STX5: variants seen among roughly 807,000 people sequenced by gnomAD.
STX5 encodes syntaxin-5.
Under a neutral mutation model 42.9 loss-of-function variants are expected in STX5, and 15 were observed. That is an observed-to-expected ratio of 0.35 (90% confidence interval 0.23 to 0.54). The LOEUF (loss-of-function observed/expected upper bound fraction) is 0.54, where lower values mean the gene tolerates loss of function less well. Among genes scored for constraint, STX5 ranks in the 20% least tolerant of loss-of-function variants. The probability of loss-of-function intolerance (pLI) is 0.91; values close to 1 mark genes in which losing one functional copy is unlikely to be tolerated. For missense variants in STX5, 430 were observed against 455.0 expected (o/e 0.95, Z 0.50); for synonymous variants, 184 against 173.2 (o/e 1.06, Z -0.49).
intron 10 of STX5, among the ~76,000 whole-genome samples, chr11:62,819,357 CAA>C (rs150908864): frequency 7.7e-6 from 1 of 129,588 alleles, no homozygotes. Flanking sequence ...ATCTCCACTA[CAA>C]AAAAAAAACC....
intron 10 of STX5, among the ~76,000 whole-genome samples, chr11:62,817,178 T>A (rs372372815): frequency 6.6e-6 from 1 of 152,208 alleles, no homozygotes; most frequent in Admixed American, 6.5e-5. Context: ...TCCACCTGCC[T>A]CAGCCTCCCA....
rs867284106 is a variant in STX5, at chr11:62,831,222, C to T, written c.22G>A (p.Gly8Arg). Residue 8 changes from glycine to arginine, a missense_variant, in exon 2 of 11, where the codon GGG (glycine) becomes AGG (arginine). By Grantham distance (125) the Gly-to-Arg change is moderately radical (BLOSUM62 -2). Coordinates refer to ENST00000294179, the MANE Select transcript of STX5 (RefSeq NM_003164.5). ...ACACCCTGATCCGTGTTCTTAGACCCGTAGCGTTTCCGCGGGATCATTGAG... is the reference window on the plus strand; with the variant it reads ...ACACCCTGATCCGTGTTCTTAGACCTGTAGCGTTTCCGCGGGATCATTGAG... MIPRKRYGSKNTDQGVYL... is the reference protein window; with the variant it reads MIPRKRYRSKNTDQGVYL... 5.1e-6 allele frequency: 8 copies of T among 1,563,222 alleles called. No individual in the cohort carries two copies. The South Asian group carries it at 8.2e-5, about 16-fold the overall frequency.
In STX5 at chr11:62,831,278, G is replaced by C; in HGVS notation, c.-19-16C>G. On this transcript the variant is annotated splice_polypyrimidine_tract_variant and intron_variant, in intron 1 of 10. Coordinates refer to ENST00000294179, the MANE Select transcript of STX5 (RefSeq NM_003164.5). ...TAACCTCGGACTGTTGTGGAGGGGA[G>C]AGTGTCATTCCCCAGGCAACTTCTT... The C allele has an allele frequency of 6.6e-7, 1 of 1,510,296 alleles. No homozygotes were observed. Among genetic ancestry groups the C allele is most frequent in the African/African-American group, 1.4e-5 (1 of 72,490 alleles). The allele number at this position is 1,510,296 out of a possible 1,614,324, so 93.6% of individuals were successfully genotyped here.
At position 62,827,392 on chromosome 11, in the gene STX5, A is replaced by G; in HGVS notation, c.303T>C (p.Ile101=). 4 of 1,614,188 alleles carry G rather than the reference A, an allele frequency of 2.5e-6. No homozygotes were observed. The highest frequency in any genetic ancestry group is 1.7e-6 in the Non-Finnish European group (2 of 1,180,028). Residue 101 remains isoleucine (I), a synonymous_variant, in exon 4 of 11, where the codon ATT becomes ATC. Coordinates refer to ENST00000294179, the MANE Select transcript of STX5 (RefSeq NM_003164.5). ...CAAATGTGTTGCTAAGGTCTTTCCC[A>G]ATGCGCCTGCAAATGACCACTAGTC... ...RSEFTLMAKR[I]GKDLSNTFAK... is the part of the protein sequence containing the mutation.
At chr11:62,811,248 C>G (rs563841177) in intron 10 of STX5, among the ~76,000 whole-genome samples, 1 of 152,280 alleles carries the variant, frequency 6.6e-6, no homozygotes, top group East Asian at 1.9e-4. Context: ...TCTAGCACTG[C>G]CTTCTCTTCC....
chr11:62,809,841 C>T (rs1024615257), intron 10 of STX5, among the ~76,000 whole-genome samples: 4 of 151,932 alleles, frequency 2.6e-5, no homozygotes, highest in East Asian at 1.9e-4. Context: ...TGGTGGCTCA[C>T]GCCGATAATC....
chr11:62,830,156 G>A (rs1362996574), intron 2 of STX5, among the ~76,000 whole-genome samples: 3 of 148,238 alleles, frequency 2.0e-5, no homozygotes, highest in African/African-American at 5.0e-5. Flanking sequence ...ATGCCACCAC[G>A]TCCAGCTTTT....
At chr11:62,813,022 G>A (rs1590963622) in intron 10 of STX5, among the ~76,000 whole-genome samples, 2 of 146,416 alleles carry the variant, frequency 1.4e-5, no homozygotes, top group Non-Finnish European at 3.0e-5. Flanking sequence ...TGAGGCAGAA[G>A]AATCATTTGA....
chr11:62,826,311 A>G (rs559214988), intron 5 of STX5, among the ~76,000 whole-genome samples: 26 of 151,116 alleles, frequency 1.7e-4, no homozygotes, highest in Admixed American at 6.6e-4. Flanking sequence ...TAATCCCATC[A>G]CTTTGGGAGG....
intron 10 of STX5, among the ~76,000 whole-genome samples, chr11:62,812,358 T>C (rs1264212792): frequency 6.6e-6 from 1 of 152,186 alleles, no homozygotes; most frequent in Non-Finnish European, 1.5e-5. Flanking sequence ...ATTACAGGCA[T>C]GAGCCACTGC....
At chr11:62,813,883 G>GC (rs1448524661) in intron 10 of STX5, among the ~76,000 whole-genome samples, 1 of 152,038 alleles carries the variant, frequency 6.6e-6, no homozygotes, top group Non-Finnish European at 1.5e-5. Context: ...CTTGATTTAT[G>GC]CCCCGGAGCC....
chr11:62,810,841 G>T (rs983135009), intron 10 of STX5, among the ~76,000 whole-genome samples: 5 of 152,106 alleles, frequency 3.3e-5, no homozygotes, highest in African/African-American at 1.2e-4. Context: ...TTTTGTATAT[G>T]GTTGCCCATA....
chr11:62,818,335 T>C (rs977672486), intron 10 of STX5, among the ~76,000 whole-genome samples: 1 of 148,218 alleles, frequency 6.7e-6, no homozygotes, highest in African/African-American at 2.5e-5. Flanking sequence ...AGTGGGAGGA[T>C]CACTTGAGGT....
rs536346885 is a variant in STX5 at position 62,822,940 on chromosome 11, A to G, written c.908+1226T>C. Reference sequence around the variant, plus strand: ...GTTGGGCCTCTGCCTACATCCCTCCAGTACACCCTGTACTTCTCTATCCCT... The same window carrying G: ...GTTGGGCCTCTGCCTACATCCCTCCGGTACACCCTGTACTTCTCTATCCCT... On this transcript the variant is annotated intron_variant, in intron 10 of 10. Coordinates refer to ENST00000294179, the MANE Select transcript of STX5 (RefSeq NM_003164.5). Among the ~76,000 whole-genome samples the G allele has an allele frequency of 6.6e-4, 100 of 152,224 alleles. 2 individuals are homozygous for G. The highest frequency in any genetic ancestry group is 2.7e-3 in the South Asian group (13 of 4,824).
chr11:62,831,592 C>A (rs1223546980), intron 1 of STX5, among the ~76,000 whole-genome samples: 1 of 152,208 alleles, frequency 6.6e-6, no homozygotes, highest in Non-Finnish European at 1.5e-5. Flanking sequence ...CCTAACCCAG[C>A]CCTTTCGTTT....
chr11:62,822,904 G>C (rs2084755289), intron 10 of STX5, among the ~76,000 whole-genome samples: 2 of 152,066 alleles, frequency 1.3e-5, no homozygotes, highest in Admixed American at 1.3e-4. Flanking sequence ...GAACAGAGAG[G>C]CCAGCCCATT....
chr11:62,814,328 A>C (rs2084649309), intron 10 of STX5, among the ~76,000 whole-genome samples: 4 of 151,696 alleles, frequency 2.6e-5, no homozygotes, highest in Admixed American at 2.6e-4. Flanking sequence ...ACCACGCCCT[A>C]ATTTTGTATT....
intron 10 of STX5, 154 bp downstream of exon 10, chr11:62,824,012 T>C: frequency 1.6e-6 from 2 of 1,236,516 alleles, no homozygotes; most frequent in Non-Finnish European, 2.3e-6. Flanking sequence ...AATAAAAACT[T>C]GTTGGGTGGA....
chr11:62,818,467 C>A (rs1398787965), intron 10 of STX5, among the ~76,000 whole-genome samples: 1 of 149,898 alleles, frequency 6.7e-6, no homozygotes, highest in African/African-American at 2.5e-5. Flanking sequence ...TAAGCTGAGG[C>A]ACAAGAATCA....
Sources: gnomAD v4.1 joint callset for allele counts (sites outside exome capture counted in the v4.1 genomes callset) on GRCh38, gnomAD v4.1.1 for gene constraint, MANE v1.5 for transcripts, NCBI Gene and HGNC (gene_info 2026-07-23, HGNC 2026-07-21) for gene names.